LSM4: variants seen among roughly 807,000 people sequenced by gnomAD.
LSM4 encodes LSM4 homolog, U6 small nuclear RNA and mRNA degradation associated, also known as U6 snRNA-associated Sm-like protein LSm4.
A neutral mutation model predicts 22.3 loss-of-function variants in LSM4; 15 were observed. That is an observed-to-expected ratio of 0.67 (90% CI 0.45 to 1.03). LSM4 has a LOEUF of 1.03. LSM4 is among the 50% of genes least tolerant of loss of function. LSM4 has a pLI of 0.00. For synonymous variants in LSM4, 90 were observed against 79.8 expected, an observed-to-expected ratio of 1.13 and a Z score of -0.68; for missense variants, 127 against 198.0, an observed-to-expected ratio of 0.64 and a Z score of 2.15.
At chr19:18,322,672 G>C (rs1414513443) in intron 1 of LSM4, among the ~76,000 whole-genome samples, 1 of 151,674 alleles carries the variant, frequency 6.6e-6, no homozygotes, top group Non-Finnish European at 1.5e-5. Flanking sequence ...GGCCCGAAGC[G>C]TAAGGGACCC....
At chr19:18,315,393 C>A (rs938070866) in intron 2 of LSM4, among the ~76,000 whole-genome samples, 1 of 151,822 alleles carries the variant, frequency 6.6e-6, no homozygotes, top group African/African-American at 2.4e-5. Context: ...TGAAGCCATC[C>A]TCTAGCCTCA....
Position 18,307,186 on chromosome 19 carries a change from G to C in LSM4, c.*278C>G, listed in dbSNP as rs978446838. The C allele has an allele frequency of 2.7e-6, 1 of 363,778 alleles. No homozygotes were observed. The highest frequency in any genetic ancestry group is 2.1e-5 in the African/African-American group (1 of 47,836). The allele number at this position is 363,778 out of a possible 1,614,324, so 22.5% of individuals were successfully genotyped here. On this transcript the variant is annotated 3_prime_UTR_variant, in exon 5 of 5. Transcript: ENST00000593829. Reference sequence around the variant, plus strand: ...AATGCTGCCCTGAGAACCAGAGCGAGGGCTTGAAAGATGCCTTCAACACAG... The same window carrying C: ...AATGCTGCCCTGAGAACCAGAGCGACGGCTTGAAAGATGCCTTCAACACAG...
intron 1 of LSM4, among the ~76,000 whole-genome samples, chr19:18,319,580 C>A (rs1413794497): frequency 6.6e-5 from 10 of 151,506 alleles, no homozygotes; most frequent in South Asian, 2.1e-4. Context: ...ACAACAACAA[C>A]AAAAAACCCA....
intron 4 of LSM4, among the ~76,000 whole-genome samples, chr19:18,307,793 G>T (rs959573540): frequency 1.3e-5 from 2 of 152,052 alleles, no homozygotes; most frequent in Non-Finnish European, 2.9e-5. Flanking sequence ...ATGCGGGGGG[G>T]GGGGACTAGG....
chr19:18,310,566 G>A (rs536631583), intron 3 of LSM4, among the ~76,000 whole-genome samples: 104 of 152,272 alleles, frequency 6.8e-4, no homozygotes, highest in African/African-American at 2.5e-3. Context: ...CAATGCCTCC[G>A]AGGCCCCCAC....
At chr19:18,321,569 G>A (rs1970424649) in intron 1 of LSM4, among the ~76,000 whole-genome samples, 1 of 152,130 alleles carries the variant, frequency 6.6e-6, no homozygotes, top group South Asian at 2.1e-4. Flanking sequence ...TTCTTGCCTG[G>A]GGACCAGTCT....
chr19:18,307,791 G>T (rs781477604), intron 4 of LSM4, among the ~76,000 whole-genome samples: 4 of 152,028 alleles, frequency 2.6e-5, no homozygotes, highest in East Asian at 1.9e-4. Flanking sequence ...GGATGCGGGG[G>T]GGGGGGACTA....
chr19:18,313,394 C>T (rs1374071251), intron 2 of LSM4, among the ~76,000 whole-genome samples: 1 of 152,208 alleles, frequency 6.6e-6, no homozygotes, highest in African/African-American at 2.4e-5. Context: ...GATATTTGGG[C>T]TTCAGTGTTC....
At chr19:18,318,156 C>T (rs1387996108) in intron 1 of LSM4, among the ~76,000 whole-genome samples, 1 of 152,234 alleles carries the variant, frequency 6.6e-6, no homozygotes, top group East Asian at 1.9e-4. Context: ...GAGTCCTGCC[C>T]TGGCCACCAC....
Position 18,309,677 on chromosome 19 carries a change from C to A in LSM4, c.328+1G>T. The A allele has an allele frequency of 6.3e-7, 1 of 1,597,180 alleles. No homozygotes were observed. Among genetic ancestry groups the A allele is most frequent in the Non-Finnish European group, 8.5e-7 (1 of 1,173,650 alleles). On this transcript the variant is annotated splice_donor_variant, in intron 4 of 4. Transcript: ENST00000593829. LOFTEE classifies it high-confidence loss of function. The stretch of plus-strand genomic sequence containing the variant: ...ACGTCCACTGGAGAGGGGAGACCCA[C>A]CTCGGCCAGCGCCGCCCATGCCGCG...
intron 1 of LSM4, among the ~76,000 whole-genome samples, chr19:18,320,960 G>A (rs762276533): frequency 2.6e-5 from 4 of 152,164 alleles, no homozygotes; most frequent in Non-Finnish European, 2.9e-5. Context: ...CTAGATCCAC[G>A]AGGACCTAAA....
intron 1 of LSM4, chr19:18,316,337 A>AT (rs35435536): frequency 0.24 from 30,053 of 123,162 alleles, 4,248 homozygotes; most frequent in Middle Eastern, 0.31. Flanking sequence ...ACTCTGGTCA[A>AT]TTTTTTTTTT....
chr19:18,309,228 G>T lies in LSM4; in HGVS notation c.328+450C>A, dbSNP rs116109883. ...GCAGAAGCAAAGCCCAGGTCCCCCC[G>T]AGAACACAGAGCTGGGGACAGAGAG... On this transcript the variant is annotated intron_variant, in intron 4 of 4. Coordinates refer to ENST00000593829, the MANE Select transcript of LSM4 (RefSeq NM_012321.5). 9.8e-3 allele frequency: 1,568 copies of T among 159,352 alleles called. 26 individuals carry two copies. The highest frequency in any genetic ancestry group is 0.033 in the African/African-American group (1,394 of 41,820). 9.9% of individuals were successfully genotyped at this position (159,352 alleles called of 1,614,324 possible).
In LSM4 at chr19:18,309,745, G is replaced by GCCCTTGGCCACCA; in HGVS notation, c.248_260dup (p.Arg88GlyfsTer105). On this transcript the variant is annotated frameshift_variant, in exon 4 of 5. Transcript: ENST00000593829. LOFTEE classifies it high-confidence loss of function. Reference sequence around the variant, plus strand: ...GCTGCTGCAGGCCTCCGCGGCCGCGGCCCTTGGCCACCACCTCCTCCTTGA... The same window carrying GCCCTTGGCCACCA: ...GCTGCTGCAGGCCTCCGCGGCCGCGGCCCTTGGCCACCACCCTTGGCCACCACCTCCTCCTTGA... 1 of 1,613,482 alleles carries GCCCTTGGCCACCA rather than the reference G, an allele frequency of 6.2e-7. No individual in the cohort carries two copies. Among genetic ancestry groups the GCCCTTGGCCACCA allele is most frequent in the Non-Finnish European group, 8.5e-7 (1 of 1,179,796 alleles).
chr19:18,313,002 C>T (rs185393229), intron 2 of LSM4, among the ~76,000 whole-genome samples: 59 of 152,302 alleles, frequency 3.9e-4, no homozygotes, highest in Non-Finnish European at 6.6e-4. Context: ...AGGCAGATCA[C>T]GAGGTCAAAA....
intron 1 of LSM4, among the ~76,000 whole-genome samples, chr19:18,317,828 G>C (rs918454409): frequency 6.6e-6 from 1 of 152,112 alleles, no homozygotes. Flanking sequence ...ACCACGCCTG[G>C]TTTCAAGATG....
Position 18,307,306 on chromosome 19 carries a change from CAAGA to C in LSM4, c.*154_*157del. ...CTAACCGGAGAATTGCCGGTTTTAG[CAAGA>C]AAAAGGGGCTTCACCTAAAAGGGAG... On this transcript the variant is annotated 3_prime_UTR_variant, in exon 5 of 5. Transcript: ENST00000593829. The C allele has an allele frequency of 2.0e-6, 1 of 509,428 alleles. No homozygotes were observed. 31.6% of individuals were successfully genotyped at this position (509,428 alleles called of 1,614,324 possible). A position where few individuals can be genotyped will look rare whatever the true frequency, so the allele number is the denominator to read the frequency against.
rs1287626069 is a variant in LSM4 at position 18,312,637 on chromosome 19, G to A, written c.111C>T (p.Asn37=). The change falls in exon 3 of 5, where the codon AAC becomes AAT. Residue 37 remains asparagine (N), a synonymous_variant. Coordinates refer to ENST00000593829, the MANE Select transcript of LSM4 (RefSeq NM_012321.5). ...TGCAGATGACTTCTCGCAGGTTAAT[G>A]TTCATCCAGTTGTCGCAGCTCACCA... ...GHLVSCDNWM[N]INLREVICTS... is the part of the protein sequence containing the mutation. 3 of 1,613,110 alleles carry A rather than the reference G, an allele frequency of 1.9e-6. No homozygotes were observed. The African/African-American group carries it at 4.0e-5, about 22-fold the overall frequency.
chr19:18,307,955 G>C (rs938084800), intron 4 of LSM4, among the ~76,000 whole-genome samples: 10 of 152,018 alleles, frequency 6.6e-5, no homozygotes, highest in Non-Finnish European at 1.5e-5. Context: ...GGCGGGGGGG[G>C]GGCCTCCTAT....
Sources: allele counts gnomAD v4.1 joint callset (sites outside exome capture counted in the v4.1 genomes callset), GRCh38; gene constraint gnomAD v4.1.1; transcripts MANE v1.5; gene names NCBI Gene and HGNC (gene_info 2026-07-23, HGNC 2026-07-21).